The following XIRP2 variants were observed in gnomAD, a reference collection of about 807,000 sequenced individuals.
XIRP2 encodes the protein xin actin binding repeat containing 2, also known as xin actin-binding repeat-containing protein 2.
In XIRP2, 236 loss-of-function variants were observed where a neutral mutation model predicts 277.0. That is an observed-to-expected ratio of 0.85 (90% CI 0.77 to 0.95). XIRP2 has a LOEUF of 0.95. Ranked by LOEUF, XIRP2 falls within the 40% of genes least tolerant of loss-of-function variation. The pLI is 0.00. For missense variants in XIRP2, 4,640 were observed against 4,157.5 expected (o/e 1.12, Z -3.19); for synonymous variants, 1,490 against 1,416.5 (o/e 1.05, Z -1.17).
intron 2 of XIRP2, among the ~76,000 whole-genome samples, chr2:167,012,093 C>T (rs909759009): frequency 2.0e-5 from 3 of 151,680 alleles, no homozygotes; most frequent in Non-Finnish European, 1.5e-5. Context: ...TATTTCTTGC[C>T]TTCTGCTAGT....
intron 3 of XIRP2, among the ~76,000 whole-genome samples, chr2:167,202,202 A>G (rs989759943): frequency 1.3e-5 from 2 of 152,186 alleles, no homozygotes; most frequent in African/African-American, 4.8e-5. Context: ...AGTTCAATGA[A>G]ATTTAAGTCA....
chr2:166,987,433 G>C (rs565027581), intron 2 of XIRP2, among the ~76,000 whole-genome samples: 7 of 152,208 alleles, frequency 4.6e-5, no homozygotes, highest in Non-Finnish European at 1.0e-4. Flanking sequence ...CTGCATGGAA[G>C]TCTTGGATTG....
chr2:166,932,886 C>T (rs548094713), intron 2 of XIRP2, among the ~76,000 whole-genome samples: 3 of 152,200 alleles, frequency 2.0e-5, no homozygotes, highest in Admixed American at 2.0e-4. Flanking sequence ...ACCAACTATT[C>T]TATTCATTTG....
Position 167,249,957 on chromosome 2 carries a change from A to G in XIRP2, c.8565A>G (p.Gln2855=), listed in dbSNP as rs765386807. The G allele has an allele frequency of 6.2e-7, 1 of 1,613,620 alleles. No homozygotes were observed. Among genetic ancestry groups the G allele is most frequent in the African/African-American group, 1.3e-5 (1 of 74,980 alleles). The change falls in exon 9 of 11, where the codon CAA becomes CAG. Residue 2855 remains glutamine, a synonymous_variant. Coordinates refer to ENST00000409195, the MANE Select transcript of XIRP2 (RefSeq NM_152381.6). ...KNKSAPKVVK[Q]KVIDAHLDSQ... is the part of the protein sequence containing the mutation. ...AATCAGCACCAAAGGTCGTCAAGCAAAAGGTTATCGATGCACATCTTGATT... is the reference window on the plus strand; with the variant it reads ...AATCAGCACCAAAGGTCGTCAAGCAGAAGGTTATCGATGCACATCTTGATT...
intron 2 of XIRP2, among the ~76,000 whole-genome samples, chr2:167,016,732 G>C (rs572586548): frequency 1.3e-5 from 2 of 152,048 alleles, no homozygotes; most frequent in African/African-American, 2.4e-5. Context: ...AGAGTACTCA[G>C]ATTTGAACCC....
chr2:167,006,379 GGA>G (rs1687504555), intron 2 of XIRP2, among the ~76,000 whole-genome samples: 1 of 151,708 alleles, frequency 6.6e-6, no homozygotes, highest in Admixed American at 6.6e-5. Context: ...AAAAAGGTGG[GGA>G]GAAAAGTCTG....
In XIRP2 at chr2:167,243,382, G is replaced by A. The variant is rs769903080; in HGVS notation, c.1990G>A (p.Asp664Asn). ...GTGGATGTTTGAAACAAGGCCATTG[G>A]ACTCAATGAATAAAATGCATCAAAG... ...ARWMFETRPL[D>N]SMNKMHQSQE... Residue 664 changes from aspartate to asparagine, a missense_variant, in exon 9 of 11, where the codon GAC becomes AAC. By Grantham distance (23) the Asp-to-Asn change is conservative (BLOSUM62 1). Coordinates refer to ENST00000409195, the MANE Select transcript of XIRP2 (RefSeq NM_152381.6). 5 of 1,614,042 alleles carry A rather than the reference G, an allele frequency of 3.1e-6. No individual in the cohort carries two copies. The highest frequency in any genetic ancestry group is 4.2e-6 in the Non-Finnish European group (5 of 1,179,986).
intron 3 of XIRP2, among the ~76,000 whole-genome samples, chr2:167,158,529 G>A (rs1692269870): frequency 6.6e-6 from 1 of 152,160 alleles, no homozygotes; most frequent in Admixed American, 6.5e-5. Context: ...GGAATGGTGG[G>A]ATAGAAATGG....
At chr2:167,057,153 C>T (rs1689055907) in intron 2 of XIRP2, among the ~76,000 whole-genome samples, 2 of 152,088 alleles carry the variant, frequency 1.3e-5, no homozygotes, top group Admixed American at 6.6e-5. Context: ...TCATCATCAT[C>T]GTCATCTATG....
intron 3 of XIRP2, among the ~76,000 whole-genome samples, chr2:167,179,883 G>A (rs1692965265): frequency 6.6e-6 from 1 of 152,052 alleles, no homozygotes; most frequent in African/African-American, 2.4e-5. Context: ...CCTGGGCTCA[G>A]GTCATCCTTT....
intron 2 of XIRP2, among the ~76,000 whole-genome samples, chr2:167,105,854 A>C (rs192209035): frequency 6.6e-6 from 1 of 151,856 alleles, no homozygotes; most frequent in Non-Finnish European, 1.5e-5. Context: ...CATTCTGATA[A>C]GTGTATTGTA....
At chr2:166,984,161 A>C (rs897225881) in intron 2 of XIRP2, among the ~76,000 whole-genome samples, 6 of 152,202 alleles carry the variant, frequency 3.9e-5, no homozygotes, top group Admixed American at 1.3e-4. Flanking sequence ...GCTCCACTAG[A>C]AGACTGCAAG....
At position 167,236,384 on chromosome 2, in the gene XIRP2, T is replaced by G. The variant is rs1694899712; in HGVS notation, c.859-3471T>G. 2.6e-5 allele frequency among the ~76,000 whole-genome samples: 4 copies of G among 152,084 alleles called. No individual in the cohort carries two copies. The South Asian group carries it at 8.3e-4, about 31-fold the overall frequency. On this transcript the variant is annotated intron_variant, in intron 5 of 10. Transcript: ENST00000409195. The stretch of plus-strand genomic sequence containing the variant: ...TTGAATAGGCAGGATACGAACTGCT[T>G]CCTGTGCAGGAGAAATCTCCTTAGA...
At chr2:167,241,662 A>G (rs922730040) in intron 7 of XIRP2, 115 bp from the exon 8 acceptor site, 13 of 1,197,276 alleles carry the variant, frequency 1.1e-5, no homozygotes, top group East Asian at 2.7e-5. Flanking sequence ...TTCGCACCTC[A>G]GTCTCCCAAA....
rs546499704 is a variant in XIRP2, at chr2:167,010,461, T to G, written c.408+106571T>G. Among the ~76,000 whole-genome samples the G allele has an allele frequency of 3.9e-3, 587 of 152,196 alleles. 3 individuals are homozygous for G. The highest frequency in any genetic ancestry group is 7.0e-3 in the Non-Finnish European group (474 of 67,982). On this transcript the variant is annotated intron_variant, in intron 2 of 10. Coordinates refer to ENST00000409195, the MANE Select transcript of XIRP2 (RefSeq NM_152381.6). ...TTTTGGTACCAGTACCATGCTGTTT[T>G]GGTTACTGTAGCCTTGTAGTATGGT... is the stretch of plus-strand genomic sequence containing the variant.
At chr2:167,054,509 C>T (rs768220290) in intron 2 of XIRP2, among the ~76,000 whole-genome samples, 15 of 152,042 alleles carry the variant, frequency 9.9e-5, no homozygotes, top group African/African-American at 3.1e-4. Context: ...CATGGTGAAA[C>T]CCCATCTCTG....
intron 2 of XIRP2, among the ~76,000 whole-genome samples, chr2:167,037,433 G>A (rs1444844791): frequency 6.6e-6 from 1 of 151,534 alleles, no homozygotes; most frequent in Non-Finnish European, 1.5e-5. Flanking sequence ...TGCTATTCTT[G>A]AAGAAATGGC....
At chr2:167,017,672 C>G (rs1048206994) in intron 2 of XIRP2, among the ~76,000 whole-genome samples, 2 of 151,892 alleles carry the variant, frequency 1.3e-5, no homozygotes, top group African/African-American at 4.8e-5. Context: ...CTCTTGGTTC[C>G]TCGACTCATG....
chr2:166,938,074 T>G, intron 2 of XIRP2, among the ~76,000 whole-genome samples: 1 of 152,258 alleles, frequency 6.6e-6, no homozygotes, highest in East Asian at 1.9e-4. Flanking sequence ...TTTTGAAGGG[T>G]TTTTTGTGTC....
Sources: allele counts gnomAD v4.1 joint callset (sites outside exome capture counted in the v4.1 genomes callset), GRCh38; gene constraint gnomAD v4.1.1; transcripts MANE v1.5; gene names NCBI Gene and HGNC (gene_info 2026-07-23, HGNC 2026-07-21).